AMOTL1: variants seen among roughly 807,000 people sequenced by gnomAD.
AMOTL1 encodes angiomotin like 1, also known as angiomotin-like protein 1.
A neutral mutation model predicts 102.9 loss-of-function variants in AMOTL1; 45 were observed. The observed-to-expected ratio is 0.44, with a 90% CI of 0.34 to 0.56. The LOEUF is 0.56. Ranked by LOEUF, AMOTL1 falls within the 20% of genes least tolerant of loss-of-function variation. AMOTL1 has a pLI of 0.01. For missense variants in AMOTL1, 1,114 were observed against 1,225.6 expected, an observed-to-expected ratio of 0.91 and a Z score of 1.36; for synonymous variants, 481 against 484.7, an observed-to-expected ratio of 0.99 and a Z score of 0.10.
Position 94,859,533 on chromosome 11 carries a change from A to G in AMOTL1, c.1953A>G (p.Gly651=). The G allele has an allele frequency of 6.2e-7, 1 of 1,611,934 alleles. No homozygotes were observed. Among genetic ancestry groups the G allele is most frequent in the South Asian group, 1.1e-5 (1 of 90,814 alleles). Residue 651 remains glycine, a synonymous_variant, in exon 9 of 13, where the codon GGA becomes GGG. Coordinates refer to ENST00000433060, the MANE Select transcript of AMOTL1 (RefSeq NM_130847.3). Reference sequence around the variant, plus strand: ...TTTTTCTACTCCTTCAGAAACATGGAAATGGCCAGCCAGCCAACATGCCGG... The same window carrying G: ...TTTTTCTACTCCTTCAGAAACATGGGAATGGCCAGCCAGCCAACATGCCGG... ...LDALRTQQKH[G]NGQPANMPEY...
Position 94,859,568 on chromosome 11 carries a change from C to T in AMOTL1, c.1988C>T (p.Ala663Val), listed in dbSNP as rs768220338. ...CCAGCCAACATGCCGGAATACAATGCCCCAGCCCTCCTGGAACTTGTGCGG... is the reference window on the plus strand; with the variant it reads ...CCAGCCAACATGCCGGAATACAATGTCCCAGCCCTCCTGGAACTTGTGCGG... ...GQPANMPEYN[A>V]PALLELVREK... Residue 663 changes from alanine (A) to valine (V), a missense_variant, in exon 9 of 13, where the codon GCC becomes GTC. Physicochemically the swap from Ala to Val is moderately conservative, Grantham distance 64. Transcript: ENST00000433060. The T allele has an allele frequency of 8.7e-6, 14 of 1,613,652 alleles. No individual in the cohort carries two copies. The highest frequency in any genetic ancestry group is 1.2e-5 in the Non-Finnish European group (14 of 1,179,758).
chr11:94,855,283 T>A (rs1013288591), intron 8 of AMOTL1, among the ~76,000 whole-genome samples: 1 of 151,746 alleles, frequency 6.6e-6, no homozygotes, highest in African/African-American at 2.4e-5. Flanking sequence ...GAGAAGGAGG[T>A]GTTAGTGAGA....
chr11:94,709,460 G>C (rs555035727), intron 1 of AMOTL1, among the ~76,000 whole-genome samples: 1 of 152,278 alleles, frequency 6.6e-6, no homozygotes, highest in Admixed American at 6.5e-5. Flanking sequence ...ACACAGGTTT[G>C]GGAGGAGATA....
chr11:94,728,013 G>T (rs1337624739), intron 1 of AMOTL1, among the ~76,000 whole-genome samples: 2 of 152,176 alleles, frequency 1.3e-5, no homozygotes, highest in African/African-American at 4.8e-5. Context: ...TAAGCCAGCT[G>T]GGCTGACTAC....
At position 94,789,063 on chromosome 11, in the gene AMOTL1, G is replaced by T. The variant is rs919222770; in HGVS notation, c.50-5948G>T. 3.3e-5 allele frequency among the ~76,000 whole-genome samples: 5 copies of T among 152,188 alleles called. No individual in the cohort carries two copies. The East Asian group carries it at 9.6e-4, about 29-fold the overall frequency. ...CCCCAACTCCAAACCTCGGGTTTCA[G>T]GTAATGGTTGCTTGGGGGAAAAGAG... On this transcript the variant is annotated intron_variant, in intron 1 of 12. Transcript: ENST00000433060.
At chr11:94,761,649 T>C (rs552586121) in intron 3 of AMOTL1, among the ~76,000 whole-genome samples, 1 of 152,330 alleles carries the variant, frequency 6.6e-6, no homozygotes, top group African/African-American at 2.4e-5. Flanking sequence ...GATTTCTTGA[T>C]CAATAACTTA....
chr11:94,831,377 A>G (rs1952067348), intron 5 of AMOTL1, 75 bp from the exon 6 acceptor site: 3 of 1,246,862 alleles, frequency 2.4e-6, no homozygotes, highest in East Asian at 2.3e-5. Flanking sequence ...CTCTTGGCAC[A>G]TATTTCATTT....
At chr11:94,720,327 G>T (rs139184800) in intron 1 of AMOTL1, among the ~76,000 whole-genome samples, 1 of 152,080 alleles carries the variant, frequency 6.6e-6, no homozygotes, top group Non-Finnish European at 1.5e-5. Context: ...TACAGGAATC[G>T]CATGGAAAAC....
chr11:94,768,148 G>A (rs747614496), upstream of AMOTL1, among the ~76,000 whole-genome samples: 2 of 152,202 alleles, frequency 1.3e-5, no homozygotes, highest in Non-Finnish European at 2.9e-5. Context: ...GCCCTCCTAA[G>A]TCTCAGGGAG....
intron 11 of AMOTL1, 134 bp from the exon 12 acceptor site, chr11:94,869,064 T>C: frequency 1.8e-6 from 2 of 1,086,506 alleles, no homozygotes; most frequent in Non-Finnish European, 2.5e-6. Flanking sequence ...AATAAGTGTT[T>C]ATTAAATGCT....
chr11:94,845,294 A>C (rs1419408781), intron 6 of AMOTL1, among the ~76,000 whole-genome samples: 1 of 152,192 alleles, frequency 6.6e-6, no homozygotes, highest in Non-Finnish European at 1.5e-5. Context: ...TATTAGGCCT[A>C]TTTCTACTTT....
chr11:94,719,416 C>T (rs534074321), intron 1 of AMOTL1, among the ~76,000 whole-genome samples: 1 of 151,954 alleles, frequency 6.6e-6, no homozygotes, highest in East Asian at 1.9e-4. Flanking sequence ...GTGATGGCTA[C>T]CCTAAAAGCC....
At chr11:94,719,998 T>C (rs1950152413) in intron 1 of AMOTL1, among the ~76,000 whole-genome samples, 1 of 152,094 alleles carries the variant, frequency 6.6e-6, no homozygotes, top group South Asian at 2.1e-4. Flanking sequence ...ACAGTTTGAA[T>C]GTGCAGCCTC....
chr11:94,731,127 G>C (rs1950343277), intron 2 of AMOTL1, among the ~76,000 whole-genome samples: 1 of 152,186 alleles, frequency 6.6e-6, no homozygotes, highest in Non-Finnish European at 1.5e-5. Flanking sequence ...CTGTGTCTAG[G>C]TTTGCCTAAA....
intron 4 of AMOTL1, among the ~76,000 whole-genome samples, chr11:94,828,881 G>A (rs893715931): frequency 1.3e-5 from 2 of 152,054 alleles, no homozygotes; most frequent in African/African-American, 4.8e-5. Context: ...CATCAGCTTT[G>A]CCTTTGATTC....
chr11:94,721,765 TG>T (rs1477468651), intron 1 of AMOTL1, among the ~76,000 whole-genome samples: 2 of 152,156 alleles, frequency 1.3e-5, no homozygotes, highest in African/African-American at 4.8e-5. Context: ...CAGCTGGAGC[TG>T]ACTAACACAT....
chr11:94,769,978 G>A (rs1950921250), intron 1 of AMOTL1, among the ~76,000 whole-genome samples: 1 of 152,068 alleles, frequency 6.6e-6, no homozygotes, highest in Admixed American at 6.6e-5. Context: ...CAGAATAGAG[G>A]GCTATTAATA....
At chr11:94,785,905 G>A (rs920090587) in intron 1 of AMOTL1, among the ~76,000 whole-genome samples, 3 of 152,116 alleles carry the variant, frequency 2.0e-5, no homozygotes, top group Non-Finnish European at 2.9e-5. Flanking sequence ...AGTACTTACT[G>A]TCTGCATTGA....
At chr11:94,716,005 T>C (rs1371493442) in intron 1 of AMOTL1, among the ~76,000 whole-genome samples, 2 of 152,102 alleles carry the variant, frequency 1.3e-5, no homozygotes, top group Non-Finnish European at 2.9e-5. Context: ...TATTATATCT[T>C]TGTTTTGATC....
Sources: allele counts gnomAD v4.1 joint callset (sites outside exome capture counted in the v4.1 genomes callset), GRCh38; gene constraint gnomAD v4.1.1; transcripts MANE v1.5; gene names NCBI Gene and HGNC (gene_info 2026-07-23, HGNC 2026-07-21).